Variants in MACROD2 observed in about 807,000 individuals in gnomAD.
MACROD2 encodes the protein ADP-ribose glycohydrolase MACROD2.
MACROD2 carries 36 observed loss-of-function variants against 70.4 expected under a neutral mutation model. The ratio of observed to expected loss-of-function variants is 0.51; its 90% CI spans 0.39 to 0.68. The LOEUF is 0.68. Ranked by LOEUF, MACROD2 falls within the 30% of genes least tolerant of loss-of-function variation. The pLI, the probability that MACROD2 is intolerant of heterozygous loss-of-function variation, is 0.00. For synonymous variants in MACROD2, 172 were observed against 178.8 expected (o/e 0.96, Z 0.30); for missense variants, 496 against 538.4 (o/e 0.92, Z 0.78).
chr20:14,292,002 CT>C (rs893767281), intron 3 of MACROD2, among the ~76,000 whole-genome samples: 1 of 151,854 alleles, frequency 6.6e-6, no homozygotes, highest in African/African-American at 2.4e-5. Flanking sequence ...GTAGTTTTCC[CT>C]GAAGTCTAGC....
At chr20:15,233,983 TTATATATATATA>T (rs1312226727) in intron 6 of MACROD2, among the ~76,000 whole-genome samples, 10 of 44,020 alleles carry the variant, frequency 2.3e-4, no homozygotes, top group Admixed American at 3.6e-4. Flanking sequence ...ATATATTTAT[TTATATATATATA>T]TATATATATA....
chr20:14,231,974 T>A (rs1282390441), intron 3 of MACROD2, among the ~76,000 whole-genome samples: 1 of 152,158 alleles, frequency 6.6e-6, no homozygotes, highest in East Asian at 1.9e-4. Context: ...TTCTCCCACT[T>A]GTTGATGGGG....
intron 5 of MACROD2, among the ~76,000 whole-genome samples, chr20:14,952,781 A>G (rs756948671): frequency 1.2e-4 from 19 of 152,148 alleles, no homozygotes; most frequent in Non-Finnish European, 1.8e-4. Context: ...TTTAAAAATC[A>G]TAAGTATTCA....
In MACROD2 at chr20:14,200,948, G is replaced by GTT. The variant is rs11087079; in HGVS notation, c.271+115232_271+115233dup. ...AATCTTTATTATATTTGCTGGTAAT[G>GTT]TTTTTTTTTTTTTAGCGATTTGTCT... is the stretch of plus-strand genomic sequence containing the variant. On this transcript the variant is annotated intron_variant, in intron 3 of 17. Transcript: ENST00000684519. 5.7e-3 allele frequency among the ~76,000 whole-genome samples: 815 copies of GTT among 143,408 alleles called. 4 individuals carry two copies. The highest frequency in any genetic ancestry group is 0.015 in the Middle Eastern group (4 of 260). 94.1% of individuals were successfully genotyped at this position (143,408 alleles called of 152,430 possible).
At position 14,654,531 on chromosome 20, in the gene MACROD2, G is replaced by A. The variant is rs138943898; in HGVS notation, c.302-30312G>A. ...TTTGCACTCCACCCTGGGAGATGGA[G>A]TGAGACTCCATCTCAAAAAAAAAAA... On this transcript the variant is annotated intron_variant, in intron 4 of 17. Transcript: ENST00000684519. Among the ~76,000 whole-genome samples, 1,239 of 146,906 alleles carry A rather than the reference G, an allele frequency of 8.4e-3. 12 individuals carry two copies. The highest frequency in any genetic ancestry group is 0.029 in the African/African-American group (1,173 of 39,792).
intron 8 of MACROD2, among the ~76,000 whole-genome samples, chr20:15,718,744 G>A (rs1402085635): frequency 1.3e-5 from 2 of 152,134 alleles, no homozygotes; most frequent in South Asian, 2.1e-4. Context: ...TGACTTACGG[G>A]GGAAGTTATA....
At chr20:15,745,974 G>C (rs6043505) in intron 8 of MACROD2, among the ~76,000 whole-genome samples, 1 of 151,960 alleles carries the variant, frequency 6.6e-6, no homozygotes, top group East Asian at 1.9e-4. Context: ...TTACCTTTTA[G>C]TTTTTGTTTT....
rs541287325 is a variant in MACROD2 at position 14,112,388 on chromosome 20, G to A, written c.271+26660G>A. Among the ~76,000 whole-genome samples the A allele has an allele frequency of 2.5e-3, 374 of 152,012 alleles. 3 individuals carry two copies. Among genetic ancestry groups the A allele is most frequent in the Middle Eastern group, 6.8e-3 (2 of 294 alleles). On this transcript the variant is annotated intron_variant, in intron 3 of 17. Coordinates refer to ENST00000684519, the MANE Select transcript of MACROD2 (RefSeq NM_001351661.2). ...ATAATTTGATTTTTTGTAACACAAA[G>A]GATAAATGCTTGAGGGGATGGATAC...
At chr20:14,391,447 A>G (rs968804305) in intron 3 of MACROD2, among the ~76,000 whole-genome samples, 6 of 152,074 alleles carry the variant, frequency 3.9e-5, no homozygotes, top group Non-Finnish European at 7.4e-5. Flanking sequence ...ACGGAGGGGA[A>G]CAACACACAC....
At chr20:14,901,446 CAGTA>C (rs1205597996) in intron 5 of MACROD2, among the ~76,000 whole-genome samples, 3 of 151,992 alleles carry the variant, frequency 2.0e-5, no homozygotes, top group Non-Finnish European at 4.4e-5. Context: ...GTAAAGCAGA[CAGTA>C]TTCTAAGTCA....
intron 4 of MACROD2, among the ~76,000 whole-genome samples, chr20:14,515,471 A>ACACGCGCGCGCGCGCGCGCG (rs1555798359): frequency 1.0e-5 from 1 of 99,786 alleles, no homozygotes; most frequent in African/African-American, 3.8e-5. Flanking sequence ...ACACGCACAC[A>ACACGCGCGCGCGCGCGCGCG]CACACACACA....
intron 6 of MACROD2, among the ~76,000 whole-genome samples, chr20:15,274,409 C>T (rs2077372684): frequency 6.6e-6 from 1 of 152,182 alleles, no homozygotes. Context: ...ATGTTAGAGC[C>T]TGTTCTTCTA....
At chr20:14,262,783 A>G (rs1487953249) in intron 3 of MACROD2, among the ~76,000 whole-genome samples, 1 of 152,224 alleles carries the variant, frequency 6.6e-6, no homozygotes, top group Non-Finnish European at 1.5e-5. Flanking sequence ...ACTGAAAACA[A>G]TCTATTGGAT....
chr20:14,655,360 TTGAGGGTG>T lies in MACROD2; in HGVS notation c.302-29480_302-29473del, dbSNP rs61207186. On this transcript the variant is annotated intron_variant, in intron 4 of 17. Coordinates refer to ENST00000684519, the MANE Select transcript of MACROD2 (RefSeq NM_001351661.2). The stretch of plus-strand genomic sequence containing the variant: ...GTGTGTGTGTGTGTGTGTGTGTGTT[TTGAGGGTG>T]TGCTTGTGTGTGTTCCTGTCTGAGT... 6.0e-3 allele frequency among the ~76,000 whole-genome samples: 887 copies of T among 147,596 alleles called. 9 individuals carry two copies. The highest frequency in any genetic ancestry group is 0.021 in the African/African-American group (850 of 40,078).
chr20:14,348,393 T>C (rs1036086177), intron 3 of MACROD2, among the ~76,000 whole-genome samples: 21 of 152,108 alleles, frequency 1.4e-4, no homozygotes, highest in African/African-American at 5.1e-4. Flanking sequence ...AGAATGTACA[T>C]GAAAGAAAAT....
intron 3 of MACROD2, among the ~76,000 whole-genome samples, chr20:14,139,656 A>C (rs781709550): frequency 1.7e-4 from 26 of 152,340 alleles, no homozygotes; most frequent in Middle Eastern, 6.8e-3. Flanking sequence ...GATAAACAGA[A>C]TATAAAGGAC....
intron 5 of MACROD2, among the ~76,000 whole-genome samples, chr20:14,771,095 G>A (rs2072159044): frequency 6.6e-6 from 1 of 151,962 alleles, no homozygotes; most frequent in African/African-American, 2.4e-5. Flanking sequence ...GATTGACTGA[G>A]GGCCTGAATA....
At position 14,435,550 on chromosome 20, in the gene MACROD2, A is replaced by G. The variant is rs796404903; in HGVS notation, c.272-57929A>G. On this transcript the variant is annotated intron_variant, in intron 3 of 17. Transcript: ENST00000684519. ...TACCACTAATTAATTTTTTAATTCA[A>G]CAGATAGTTATTGAGTACCCCTTAT... Among the ~76,000 whole-genome samples the G allele has an allele frequency of 8.5e-4, 129 of 152,276 alleles. 1 individual carries two copies. Among genetic ancestry groups the G allele is most frequent in the African/African-American group, 2.8e-3 (116 of 41,564 alleles).
At chr20:15,204,344 G>T (rs1056397468) in intron 5 of MACROD2, among the ~76,000 whole-genome samples, 1 of 152,096 alleles carries the variant, frequency 6.6e-6, no homozygotes, top group Non-Finnish European at 1.5e-5. Flanking sequence ...ATTGCAATGG[G>T]CAGCGTGAAA....
Sources: gnomAD v4.1 joint callset for allele counts (sites outside exome capture counted in the v4.1 genomes callset) on GRCh38, gnomAD v4.1.1 for gene constraint, MANE v1.5 for transcripts, NCBI Gene and HGNC (gene_info 2026-07-23, HGNC 2026-07-21) for gene names.